MECOM: variants seen among roughly 807,000 people sequenced by gnomAD.
MECOM encodes the protein MDS1 and EVI1 complex locus, also known as histone-lysine N-methyltransferase MECOM.
MECOM carries 13 observed loss-of-function variants against 116.3 expected under a neutral mutation model. The ratio of observed to expected loss-of-function variants is 0.11; its 90% CI spans 0.07 to 0.18. MECOM has a LOEUF of 0.18. Ranked by LOEUF, MECOM falls within the 10% of genes least tolerant of loss-of-function variation. The pLI is 1.00. For missense variants in MECOM, 1,299 were observed against 1,509.0 expected, an observed-to-expected ratio of 0.86 and a Z score of 2.31; for synonymous variants, 528 against 535.2, an observed-to-expected ratio of 0.99 and a Z score of 0.19.
chr3:169,197,167 G>A (rs1302339353), intron 2 of MECOM, among the ~76,000 whole-genome samples: 1 of 151,914 alleles, frequency 6.6e-6, no homozygotes, highest in African/African-American at 2.4e-5. Flanking sequence ...GCACTTTAGG[G>A]TGGAGAGTGG....
intron 1 of MECOM, among the ~76,000 whole-genome samples, chr3:169,422,129 T>C (rs899554967): frequency 2.0e-5 from 3 of 152,156 alleles, no homozygotes; most frequent in Non-Finnish European, 4.4e-5. Context: ...ATAAGGCTCA[T>C]TTGTACCAAT....
intron 2 of MECOM, among the ~76,000 whole-genome samples, chr3:169,356,959 G>A (rs1727383045): frequency 6.6e-6 from 1 of 151,854 alleles, no homozygotes; most frequent in Admixed American, 6.6e-5. Flanking sequence ...GAATGAACAA[G>A]AGTAGTGTCA....
chr3:169,188,153 T>A (rs1214288209), intron 2 of MECOM, among the ~76,000 whole-genome samples: 1 of 152,074 alleles, frequency 6.6e-6, no homozygotes, highest in Non-Finnish European at 1.5e-5. Context: ...TGCAATTCTC[T>A]CTCAATACCT....
chr3:169,587,573 G>A (rs1012189984), intron 1 of MECOM, among the ~76,000 whole-genome samples: 3 of 151,970 alleles, frequency 2.0e-5, no homozygotes, highest in African/African-American at 7.3e-5. Flanking sequence ...GAAAAAAAAG[G>A]GAGGGGAGAT....
chr3:169,251,020 C>T (rs1000196763), intron 2 of MECOM, among the ~76,000 whole-genome samples: 16 of 152,108 alleles, frequency 1.1e-4, no homozygotes, highest in Admixed American at 3.3e-4. Context: ...ACTGAAGCAC[C>T]GATGGCAGTG....
chr3:169,463,906 C>T (rs1031155574), intron 1 of MECOM: 3 of 151,998 alleles, frequency 2.0e-5, no homozygotes, highest in Admixed American at 6.6e-5. Flanking sequence ...AGTACGACTG[C>T]AAAAAAATTT....
Position 169,603,232 on chromosome 3 carries a change from T to C in MECOM, c.37+60104A>G, listed in dbSNP as rs544100712. On this transcript the variant is annotated intron_variant, in intron 1 of 16. Coordinates refer to ENST00000651503, the MANE Select transcript of MECOM (RefSeq NM_004991.4). ...CTGCGTAGGCCTAGGCTAATGTGTG[T>C]GTGTCCTAGTTTTTAAAAGAAAGTT... Among the ~76,000 whole-genome samples, 8 of 152,302 alleles carry C rather than the reference T, an allele frequency of 5.3e-5. No individual in the cohort carries two copies. In the South Asian group the frequency reaches 1.7e-3, roughly 32 times the overall value.
At chr3:169,579,746 G>A (rs1363237636) in intron 1 of MECOM, among the ~76,000 whole-genome samples, 3 of 152,124 alleles carry the variant, frequency 2.0e-5, no homozygotes, top group South Asian at 2.1e-4. Flanking sequence ...GGATTCTCTT[G>A]GACTGAACAT....
intron 1 of MECOM, among the ~76,000 whole-genome samples, chr3:169,424,366 CAGGG>C (rs1382341588): frequency 2.0e-5 from 3 of 152,132 alleles, no homozygotes; most frequent in Non-Finnish European, 4.4e-5. Flanking sequence ...AGTAAAACTT[CAGGG>C]AAGCTTTCAA....
At chr3:169,181,587 C>T (rs1215072642) in intron 2 of MECOM, among the ~76,000 whole-genome samples, 2 of 152,182 alleles carry the variant, frequency 1.3e-5, no homozygotes, top group Non-Finnish European at 2.9e-5. Context: ...ATGCCTCAAA[C>T]TTTAAATGAT....
intron 2 of MECOM, among the ~76,000 whole-genome samples, chr3:169,307,797 G>T (rs1469566164): frequency 1.3e-5 from 2 of 152,086 alleles, no homozygotes; most frequent in Non-Finnish European, 2.9e-5. Context: ...GGGAACCACT[G>T]CTCCTAGTTT....
At chr3:169,255,993 C>T (rs913049435) in intron 2 of MECOM, among the ~76,000 whole-genome samples, 2 of 152,136 alleles carry the variant, frequency 1.3e-5, no homozygotes, top group Non-Finnish European at 2.9e-5. Context: ...GACATTATGA[C>T]TAAATTTAAG....
At chr3:169,537,647 T>C (rs1206866102) in intron 1 of MECOM, among the ~76,000 whole-genome samples, 1 of 151,556 alleles carries the variant, frequency 6.6e-6, no homozygotes, top group Non-Finnish European at 1.5e-5. Flanking sequence ...TGGTTTAATA[T>C]ACAGTGCTGG....
At chr3:169,506,336 C>A (rs1014287346) in intron 1 of MECOM, among the ~76,000 whole-genome samples, 17 of 152,164 alleles carry the variant, frequency 1.1e-4, no homozygotes, top group Admixed American at 2.6e-4. Context: ...TGAGTGTCCC[C>A]GCCACATCCC....
At chr3:169,436,312 G>A (rs1372990978) in intron 1 of MECOM, among the ~76,000 whole-genome samples, 1 of 141,106 alleles carries the variant, frequency 7.1e-6, no homozygotes, top group Non-Finnish European at 1.5e-5. Flanking sequence ...ATACAATGGC[G>A]CAATCTCCGC....
chr3:169,313,980 T>A (rs560274089), intron 2 of MECOM, among the ~76,000 whole-genome samples: 28 of 152,206 alleles, frequency 1.8e-4, no homozygotes, highest in Non-Finnish European at 3.8e-4. Context: ...ACTTTTGGAA[T>A]CTATATGCTA....
chr3:169,223,527 A>T (rs1315738575), intron 2 of MECOM, among the ~76,000 whole-genome samples: 3 of 152,040 alleles, frequency 2.0e-5, no homozygotes, highest in Non-Finnish European at 4.4e-5. Flanking sequence ...AGGTTTGAAG[A>T]TAAAGTAACT....
At chr3:169,442,549 C>T (rs1433258571) in intron 1 of MECOM, among the ~76,000 whole-genome samples, 2 of 152,124 alleles carry the variant, frequency 1.3e-5, no homozygotes, top group Non-Finnish European at 2.9e-5. Flanking sequence ...TAATCTCTTC[C>T]ATGCCAGGAA....
intron 2 of MECOM, among the ~76,000 whole-genome samples, chr3:169,212,664 A>G (rs1577359936): frequency 9.0e-6 from 1 of 111,208 alleles, no homozygotes; most frequent in Non-Finnish European, 1.9e-5. Flanking sequence ...ATATATATAT[A>G]TATATATATA....
Sources: gnomAD v4.1 joint callset for allele counts (sites outside exome capture counted in the v4.1 genomes callset) on GRCh38, gnomAD v4.1.1 for gene constraint, MANE v1.5 for transcripts, NCBI Gene and HGNC (gene_info 2026-07-23, HGNC 2026-07-21) for gene names.